The following SYNE2 variants were observed in gnomAD, a reference collection of about 807,000 sequenced individuals.
The protein encoded by SYNE2 is nesprin-2.
In SYNE2, 431 loss-of-function variants were observed where a neutral mutation model predicts 856.3. That is an observed-to-expected ratio of 0.50 (90% CI 0.47 to 0.55). SYNE2 has a LOEUF of 0.55. Ranked by LOEUF, SYNE2 falls within the 20% of genes least tolerant of loss-of-function variation. The pLI is 0.00. For missense variants in SYNE2, 8,129 were observed against 8,023.2 expected, an observed-to-expected ratio of 1.01 and a Z score of -0.50; for synonymous variants, 2,923 against 2,872.3, an observed-to-expected ratio of 1.02 and a Z score of -0.56.
chr14:64,094,922 C>G (rs1057408388), intron 61 of SYNE2: 5 of 167,738 alleles, frequency 3.0e-5, no homozygotes, highest in South Asian at 2.1e-4. Flanking sequence ...CTGTGTTACC[C>G]AGGCTGTAGT....
At chr14:63,822,528 C>T (rs980278370) in intron 1 of SYNE2, among the ~76,000 whole-genome samples, 9 of 152,142 alleles carry the variant, frequency 5.9e-5, no homozygotes, top group African/African-American at 1.9e-4. Flanking sequence ...CCAGTTAGAG[C>T]TAACAAGGTG....
chr14:64,032,760 A>G (rs1054363759), intron 45 of SYNE2, among the ~76,000 whole-genome samples: 8 of 152,110 alleles, frequency 5.3e-5, no homozygotes, highest in Non-Finnish European at 1.0e-4. Context: ...TTAGTAGAAG[A>G]TGGGGTTTCT....
At chr14:63,776,238 C>T (rs538077060) in intron 1 of SYNE2, among the ~76,000 whole-genome samples, 1 of 152,274 alleles carries the variant, frequency 6.6e-6, no homozygotes, top group African/African-American at 2.4e-5. Flanking sequence ...CAATCTTTTG[C>T]AAATATGTCT....
chr14:64,097,862 C>T, intron 61 of SYNE2, 87 bp from the exon 62 acceptor site: 2 of 1,338,746 alleles, frequency 1.5e-6, no homozygotes, highest in African/African-American at 1.4e-5. Flanking sequence ...GAAAAATCTT[C>T]AGCCCTTGTA....
chr14:64,196,177 A>G (rs1255992), intron 99 of SYNE2, among the ~76,000 whole-genome samples: 81,012 of 152,000 alleles, frequency 0.53, 23,960 homozygotes, highest in African/African-American at 0.8. Context: ...TTCCACTGGT[A>G]TAGCACGTGT....
intron 11 of SYNE2, among the ~76,000 whole-genome samples, chr14:63,974,847 T>C (rs1566948955): frequency 1.0e-5 from 1 of 98,778 alleles, no homozygotes; most frequent in African/African-American, 4.4e-5. Context: ...TGTGTGTGTG[T>C]GTACATGTGT....
At chr14:63,805,399 G>T (rs1888320136) in intron 1 of SYNE2, among the ~76,000 whole-genome samples, 1 of 152,128 alleles carries the variant, frequency 6.6e-6, no homozygotes, top group Non-Finnish European at 1.5e-5. Flanking sequence ...TCTTTCAGCA[G>T]TGTTTTGTAA....
chr14:63,946,588 TTA>T (rs1240014298), intron 6 of SYNE2, among the ~76,000 whole-genome samples: 1 of 147,710 alleles, frequency 6.8e-6, no homozygotes, highest in Non-Finnish European at 1.5e-5. Context: ...CCAGTATATA[TTA>T]TATATATACT....
chr14:64,021,727 A>T, intron 36 of SYNE2, 130 bp from the exon 37 acceptor site: 1 of 1,080,312 alleles, frequency 9.3e-7, no homozygotes. Flanking sequence ...TACATTTACT[A>T]GCAAAGAGAA....
At chr14:64,075,763 A>G (rs2097453516) in intron 53 of SYNE2, 182 bp from the exon 54 acceptor site, 1 of 606,974 alleles carries the variant, frequency 1.6e-6, no homozygotes. Context: ...ACAAATTAGA[A>G]AGCATCATCT....
intron 73 of SYNE2, 63 bp downstream of exon 73, chr14:64,126,870 G>GCCTATT (rs2097951362): frequency 1.3e-5 from 19 of 1,492,648 alleles, no homozygotes; most frequent in Non-Finnish European, 1.6e-5. Flanking sequence ...AACCCCTAAT[G>GCCTATT]CCTATTCCTA....
chr14:64,157,449 T>A (rs2098295037), intron 85 of SYNE2, among the ~76,000 whole-genome samples: 1 of 152,250 alleles, frequency 6.6e-6, no homozygotes, highest in African/African-American at 2.4e-5. Flanking sequence ...TAATATTCCA[T>A]TGTATGGATA....
At chr14:64,216,543 A>G in intron 108 of SYNE2, 156 bp downstream of exon 108, 2 of 862,556 alleles carry the variant, frequency 2.3e-6, no homozygotes, top group Non-Finnish European at 3.8e-6. Flanking sequence ...TGAGCTGTCC[A>G]TACTTCATTA....
chr14:63,944,835 T>TC (rs2095998206), intron 6 of SYNE2, among the ~76,000 whole-genome samples: 1 of 134,130 alleles, frequency 7.5e-6, no homozygotes, highest in South Asian at 2.7e-4. Flanking sequence ...TTTTTTTTTT[T>TC]TTTTTTTTTT....
chr14:63,815,222 AT>A, intron 1 of SYNE2, among the ~76,000 whole-genome samples: 1 of 142,704 alleles, frequency 7.0e-6, no homozygotes. Flanking sequence ...ATATCCATAT[AT>A]ATATCCATAT....
chr14:64,219,407 G>T lies in SYNE2; in HGVS notation c.19857G>T (p.Leu6619=), dbSNP rs35648226. The T allele has an allele frequency of 0.27, 427,575 of 1,613,108 alleles. 58,800 individuals carry two copies. The highest frequency in any genetic ancestry group is 0.28 in the Middle Eastern group (1,712 of 6,062). Residue 6619 remains leucine, a synonymous_variant, in exon 110 of 116, where the codon CTG becomes CTT. Transcript: ENST00000555002. ...IQEIELRVKR[L]QEILKAFDTY... ...AAATAGAACTGAGAGTGAAGAGACTGCAGGTGAGTTAGAGGTGTGGTGGGG... is the reference window on the plus strand; with the variant it reads ...AAATAGAACTGAGAGTGAAGAGACTTCAGGTGAGTTAGAGGTGTGGTGGGG...
At chr14:64,197,895 T>C (rs148493078) in intron 99 of SYNE2, among the ~76,000 whole-genome samples, 26 of 152,354 alleles carry the variant, frequency 1.7e-4, no homozygotes, top group Non-Finnish European at 3.4e-4. Flanking sequence ...CTTGATTGTT[T>C]TCTGCATTTT....
chr14:63,910,318 G>T (rs953686254), intron 2 of SYNE2, among the ~76,000 whole-genome samples: 5 of 152,102 alleles, frequency 3.3e-5, no homozygotes, highest in African/African-American at 1.2e-4. Flanking sequence ...AATAAAATCT[G>T]TTTTGAATGA....
intron 52 of SYNE2, among the ~76,000 whole-genome samples, chr14:64,071,625 A>G (rs2097408455): frequency 6.6e-6 from 1 of 152,230 alleles, no homozygotes; most frequent in Non-Finnish European, 1.5e-5. Flanking sequence ...TTTTTAAATA[A>G]ATAGAGATCA....
Sources: gnomAD v4.1 joint callset for allele counts (sites outside exome capture counted in the v4.1 genomes callset) on GRCh38, gnomAD v4.1.1 for gene constraint, MANE v1.5 for transcripts, NCBI Gene and HGNC (gene_info 2026-07-23, HGNC 2026-07-21) for gene names.